The following LMTK2 variants were observed in gnomAD, a reference collection of about 807,000 sequenced individuals.
LMTK2 encodes the protein serine/threonine-protein kinase LMTK2.
A neutral mutation model predicts 127.5 loss-of-function variants in LMTK2; 37 were observed. The ratio of observed to expected loss-of-function variants is 0.29; its 90% CI spans 0.22 to 0.38. The LOEUF (loss-of-function observed/expected upper bound fraction) is 0.38. Among genes scored for constraint, LMTK2 ranks in the 10% least tolerant of loss-of-function variants. LMTK2 has a pLI of 1.00. For synonymous variants in LMTK2, 819 were observed against 810.1 expected (o/e 1.01, Z -0.19); for missense variants, 1,694 against 1,920.3 (o/e 0.88, Z 2.20).
chr7:98,155,529 A>G (rs1347363762), intron 5 of LMTK2, among the ~76,000 whole-genome samples: 1 of 151,894 alleles, frequency 6.6e-6, no homozygotes, highest in Non-Finnish European at 1.5e-5. Flanking sequence ...AAGACAAAAA[A>G]TCCTAAAAGC....
intron 4 of LMTK2, 125 bp from the exon 5 acceptor site, chr7:98,154,633 A>G: frequency 1.5e-6 from 1 of 648,620 alleles, no homozygotes. Context: ...GGTGGTAAGT[A>G]AAAGAATAGA....
At chr7:98,125,041 C>T (rs558184063) in intron 1 of LMTK2, among the ~76,000 whole-genome samples, 2 of 151,144 alleles carry the variant, frequency 1.3e-5, no homozygotes, top group Non-Finnish European at 3.0e-5. Flanking sequence ...GCATGGCTCA[C>T]GCCTGTAATC....
intron 3 of LMTK2, among the ~76,000 whole-genome samples, chr7:98,150,870 G>A (rs1486014564): frequency 6.6e-6 from 1 of 152,208 alleles, no homozygotes; most frequent in Non-Finnish European, 1.5e-5. Context: ...GGATTACTGA[G>A]GGTATCAGAA....
intron 11 of LMTK2, among the ~76,000 whole-genome samples, chr7:98,198,843 G>A (rs1050316326): frequency 3.3e-5 from 5 of 152,120 alleles, no homozygotes; most frequent in Non-Finnish European, 7.3e-5. Context: ...GCTGCACCCA[G>A]CAAATTTTAA....
chr7:98,154,250 G>A (rs1796895611), intron 4 of LMTK2, among the ~76,000 whole-genome samples: 1 of 152,194 alleles, frequency 6.6e-6, no homozygotes, highest in Admixed American at 6.5e-5. Context: ...AGGAGATCAA[G>A]GCCGGGTATC....
At chr7:98,110,416 G>C (rs904837919) in intron 1 of LMTK2, among the ~76,000 whole-genome samples, 1 of 152,040 alleles carries the variant, frequency 6.6e-6, no homozygotes, top group Non-Finnish European at 1.5e-5. Flanking sequence ...CTTTTCCTGA[G>C]AATCTGTGTT....
At position 98,145,972 on chromosome 7, in the gene LMTK2, GTTAA is replaced by G. The variant is rs550145613; in HGVS notation, c.376+4434_376+4437del. ...GCTCTTGCTCCTTGATCTATTTTGA[GTTAA>G]TTGTTTTATATGGTGTGAGGTAAGG... On this transcript the variant is annotated intron_variant, in intron 3 of 13. Transcript: ENST00000297293. Among the ~76,000 whole-genome samples the G allele has an allele frequency of 1.2e-4, 19 of 152,254 alleles. No homozygotes were observed. The South Asian group carries it at 2.3e-3, about 18-fold the overall frequency.
Position 98,191,664 on chromosome 7 carries a change from C to T in LMTK2, c.1199C>T (p.Ala400Val), listed in dbSNP as rs190537216. ...CTGTCACCAGAAAAGAGACCCGCGG[C>T]TGAAGATGTGCACAGGCTGCTGACT... ...CWLSPEKRPAAEDVHRLLTYL... is the reference protein window; with the variant it reads ...CWLSPEKRPAVEDVHRLLTYL... Residue 400 changes from alanine to valine, a missense_variant, in exon 11 of 14, where the codon GCT (alanine) becomes GTT (valine). Around this residue, in one of 8 missense-constraint regions of LMTK2, gnomAD observed 216 missense variants for 266.8 expected, o/e 0.81. Coordinates refer to ENST00000297293, the MANE Select transcript of LMTK2 (RefSeq NM_014916.4). The T allele has an allele frequency of 6.2e-7, 1 of 1,613,634 alleles. No individual in the cohort carries two copies. The highest frequency in any genetic ancestry group is 2.2e-5 in the East Asian group (1 of 44,870).
intron 1 of LMTK2, among the ~76,000 whole-genome samples, chr7:98,129,072 A>G (rs1167343720): frequency 6.6e-6 from 1 of 151,934 alleles, no homozygotes; most frequent in African/African-American, 2.4e-5. Flanking sequence ...CTGAAAACGT[A>G]AGTTTATTAT....
chr7:98,203,271 C>T (rs988742751), intron 11 of LMTK2, among the ~76,000 whole-genome samples: 8 of 152,202 alleles, frequency 5.3e-5, no homozygotes, highest in African/African-American at 1.4e-4. Flanking sequence ...GAGGAGAAGC[C>T]GACACACTTG....
intron 6 of LMTK2, among the ~76,000 whole-genome samples, chr7:98,170,558 G>A (rs900989560): frequency 4.2e-5 from 6 of 143,076 alleles, no homozygotes; most frequent in East Asian, 2.0e-4. Context: ...TTTTTTTCCC[G>A]CTCCCCGCCT....
At position 98,125,085 on chromosome 7, in the gene LMTK2, C is replaced by T. The variant is rs559874655; in HGVS notation, c.104-12230C>T. Among the ~76,000 whole-genome samples the T allele has an allele frequency of 3.9e-5, 6 of 151,954 alleles. No homozygotes were observed. In the South Asian group the frequency reaches 8.3e-4, roughly 21 times the overall value. On this transcript the variant is annotated intron_variant, in intron 1 of 13. Coordinates refer to ENST00000297293, the MANE Select transcript of LMTK2 (RefSeq NM_014916.4). ...TTGGGAGGCCGAGGCGGGCGGATCACGAGGTCAGGAGATCGAGACCATCCT... is the reference window on the plus strand; with the variant it reads ...TTGGGAGGCCGAGGCGGGCGGATCATGAGGTCAGGAGATCGAGACCATCCT...
rs549987490 is a variant in LMTK2, at chr7:98,161,850, T to TTTTTGGTCCCTAAGCTCC, written c.657+2428_657+2445dup. Among the ~76,000 whole-genome samples, 88 of 152,200 alleles carry TTTTTGGTCCCTAAGCTCC rather than the reference T, an allele frequency of 5.8e-4. 1 individual carries two copies. Among genetic ancestry groups the TTTTTGGTCCCTAAGCTCC allele is most frequent in the Non-Finnish European group, 1.0e-3 (71 of 67,992 alleles). On this transcript the variant is annotated intron_variant, in intron 6 of 13. Transcript: ENST00000297293. The stretch of plus-strand genomic sequence containing the variant: ...TATTCTGAGCTGTTTCATGTTGCCT[T>TTTTTGGTCCCTAAGCTCC]TTTTGGTCCCTAAGCTCCTTATATT...
Position 98,121,103 on chromosome 7 carries a change from T to C in LMTK2, c.103+13823T>C, listed in dbSNP as rs553402727. 2.0e-5 allele frequency among the ~76,000 whole-genome samples: 3 copies of C among 152,240 alleles called. No individual in the cohort carries two copies. The South Asian group carries it at 6.2e-4, about 32-fold the overall frequency. On this transcript the variant is annotated intron_variant, in intron 1 of 13. Transcript: ENST00000297293. Reference sequence around the variant, plus strand: ...TCTCACACCGCCAGTTAGGGGCAGGTCCGATTCAAGAGTGAGGGTCCTAAG... The same window carrying C: ...TCTCACACCGCCAGTTAGGGGCAGGCCCGATTCAAGAGTGAGGGTCCTAAG...
intron 2 of LMTK2, 126 bp downstream of exon 2, chr7:98,137,568 G>A (rs1214365768): frequency 1.3e-6 from 1 of 784,984 alleles, no homozygotes; most frequent in Admixed American, 3.1e-5. Context: ...TGGCCAAATA[G>A]TAAATATTTT....
chr7:98,200,915 C>G (rs572627982), intron 11 of LMTK2, among the ~76,000 whole-genome samples: 11 of 152,040 alleles, frequency 7.2e-5, no homozygotes, highest in African/African-American at 2.4e-4. Context: ...ATGTGGAACT[C>G]TCTGATCTGG....
intron 1 of LMTK2, among the ~76,000 whole-genome samples, chr7:98,116,342 G>T (rs1249795672): frequency 6.6e-6 from 1 of 152,132 alleles, no homozygotes; most frequent in African/African-American, 2.4e-5. Context: ...GGATGATGAA[G>T]ATGATACTAG....
At chr7:98,109,112 G>C (rs1197203401) in intron 1 of LMTK2, among the ~76,000 whole-genome samples, 1 of 152,052 alleles carries the variant, frequency 6.6e-6, no homozygotes, top group East Asian at 1.9e-4. Flanking sequence ...ACCCGCCTCA[G>C]CCTCCCAAAG....
chr7:98,146,236 A>G (rs1796770724), intron 3 of LMTK2, among the ~76,000 whole-genome samples: 1 of 152,006 alleles, frequency 6.6e-6, no homozygotes, highest in African/African-American at 2.4e-5. Flanking sequence ...CTTTGGTTTT[A>G]TAGTAAGTTT....
Sources: allele counts gnomAD v4.1 joint callset (sites outside exome capture counted in the v4.1 genomes callset), GRCh38; gene constraint gnomAD v4.1.1; regional missense constraint gnomAD v4.1.1; transcripts MANE v1.5; gene names NCBI Gene and HGNC (gene_info 2026-07-23, HGNC 2026-07-21).